The following MET variants were observed in gnomAD, a reference collection of about 807,000 sequenced individuals.
MET encodes the protein MET proto-oncogene, receptor tyrosine kinase.
In MET, 48 loss-of-function variants were observed where a neutral mutation model predicts 133.1. The ratio of observed to expected loss-of-function variants is 0.36; its 90% CI spans 0.29 to 0.46. The LOEUF (loss-of-function observed/expected upper bound fraction) is 0.46. Ranked by LOEUF, MET falls within the 20% of genes least tolerant of loss-of-function variation. The pLI is 1.00. For synonymous variants in MET, 628 were observed against 616.5 expected (o/e 1.02, Z -0.28); for missense variants, 1,442 against 1,695.9 (o/e 0.85, Z 2.63).
intron 2 of MET, among the ~76,000 whole-genome samples, chr7:116,725,523 C>T (rs982984020): frequency 1.3e-5 from 2 of 149,848 alleles, no homozygotes; most frequent in African/African-American, 4.9e-5. Context: ...TCCTGCATTG[C>T]TTGCATTCTG....
At chr7:116,690,572 A>G (rs1163198028) in intron 1 of MET, among the ~76,000 whole-genome samples, 1 of 152,234 alleles carries the variant, frequency 6.6e-6, no homozygotes, top group Non-Finnish European at 1.5e-5. Flanking sequence ...GGGATTTTTG[A>G]CATGGCCTAT....
chr7:116,690,265 T>C (rs961723831), intron 1 of MET, among the ~76,000 whole-genome samples: 1 of 152,154 alleles, frequency 6.6e-6, no homozygotes, highest in African/African-American at 2.4e-5. Context: ...CCAACTCTCA[T>C]GGCCAACCCA....
At position 116,771,822 on chromosome 7, in the gene MET, A is replaced by G. The variant is rs534285822; in HGVS notation, c.2888-27A>G. Reference sequence around the variant, plus strand: ...GGGGCCCATGATAGCCGTCTTTAACAAGCTCTTTCTTTCTCTCTGTTTTAA... The same window carrying G: ...GGGGCCCATGATAGCCGTCTTTAACGAGCTCTTTCTTTCTCTCTGTTTTAA... On this transcript the variant is annotated intron_variant, in intron 13 of 20. Coordinates refer to ENST00000397752, the MANE Select transcript of MET (RefSeq NM_000245.4). 7.3e-5 allele frequency: 118 copies of G among 1,613,670 alleles called. 2 individuals are homozygous for G. In the South Asian group the frequency reaches 1.3e-3, roughly 17 times the overall value.
chr7:116,704,476 T>C (rs1165113385), intron 2 of MET, among the ~76,000 whole-genome samples: 1 of 152,146 alleles, frequency 6.6e-6, no homozygotes, highest in East Asian at 1.9e-4. Context: ...GCTATTATTG[T>C]AAGGAATACT....
intron 2 of MET, among the ~76,000 whole-genome samples, chr7:116,707,802 T>C (rs1791855882): frequency 6.6e-6 from 1 of 152,124 alleles, no homozygotes; most frequent in African/African-American, 2.4e-5. Context: ...AAAACTAATA[T>C]CTCTAAAAAA....
At chr7:116,760,903 A>G (rs1185378046) in intron 10 of MET, among the ~76,000 whole-genome samples, 2 of 152,184 alleles carry the variant, frequency 1.3e-5, no homozygotes, top group African/African-American at 2.4e-5. Flanking sequence ...ACTGCTATTA[A>G]TTTAAAGGAC....
At chr7:116,758,154 G>C (rs1021027951) in intron 8 of MET, among the ~76,000 whole-genome samples, 5 of 152,144 alleles carry the variant, frequency 3.3e-5, no homozygotes, top group African/African-American at 1.2e-4. Context: ...GGGGAAAATT[G>C]GGTCTGGAAG....
intron 10 of MET, among the ~76,000 whole-genome samples, chr7:116,760,324 G>A (rs1380501001): frequency 3.3e-5 from 5 of 152,044 alleles, no homozygotes; most frequent in South Asian, 4.2e-4. Flanking sequence ...CAAAGAAAGA[G>A]CATTAGAATA....
At chr7:116,783,860 T>C (rs1795226034) in intron 19 of MET, among the ~76,000 whole-genome samples, 1 of 152,220 alleles carries the variant, frequency 6.6e-6, no homozygotes, top group Non-Finnish European at 1.5e-5. Context: ...ATCTGGAAGC[T>C]GTAACTGAGG....
chr7:116,726,961 A>G (rs1283575333), intron 2 of MET, among the ~76,000 whole-genome samples: 1 of 152,134 alleles, frequency 6.6e-6, no homozygotes, highest in Non-Finnish European at 1.5e-5. Flanking sequence ...GCTGAGCAGG[A>G]CTGAGTGACT....
intron 2 of MET, chr7:116,724,328 C>T (rs1159582836): frequency 5.5e-6 from 1 of 182,240 alleles, no homozygotes; most frequent in Non-Finnish European, 1.2e-5. Flanking sequence ...TGCTTCGGCT[C>T]GCGCACGGTG....
chr7:116,790,148 C>A (rs531420489), intron 19 of MET, among the ~76,000 whole-genome samples: 1 of 152,314 alleles, frequency 6.6e-6, no homozygotes, highest in Non-Finnish European at 1.5e-5. Context: ...CTTTTTATGG[C>A]TGCATACAAC....
intron 4 of MET, 172 bp downstream of exon 4, chr7:116,740,256 C>CTAG (rs1478756815): frequency 2.4e-5 from 19 of 795,022 alleles, no homozygotes; most frequent in Non-Finnish European, 8.4e-6. Context: ...TTAATTTGTT[C>CTAG]TCCAAGAAAG....
rs557364175 is a variant in MET, at chr7:116,724,342, G to A, written c.1201-7326G>A. ...CTGCTTCGGCTCGCGCACGGTGCAC[G>A]CACCCACTGACCTGCGCCCACTGTC... On this transcript the variant is annotated intron_variant, in intron 2 of 20. Coordinates refer to ENST00000397752, the MANE Select transcript of MET (RefSeq NM_000245.4). 186 of 263,084 alleles carry A rather than the reference G, an allele frequency of 7.1e-4. 3 individuals carry two copies. The South Asian group carries it at 7.9e-3, about 11-fold the overall frequency. The allele number at this position is 263,084 out of a possible 1,614,324, so 16.3% of individuals were successfully genotyped here. A position where few individuals can be genotyped will look rare whatever the true frequency, so the allele number is the denominator to read the frequency against.
At chr7:116,706,824 C>G (rs1164505924) in intron 2 of MET, among the ~76,000 whole-genome samples, 1 of 151,294 alleles carries the variant, frequency 6.6e-6, no homozygotes, top group African/African-American at 2.4e-5. Context: ...GTAAAGTGCT[C>G]GTTATCAGGA....
In MET at chr7:116,739,995, C is replaced by A. The variant is rs2116826454; in HGVS notation, c.1438C>A (p.Leu480Ile). The A allele has an allele frequency of 6.2e-7, 1 of 1,614,154 alleles. No homozygotes were observed. Among genetic ancestry groups the A allele is most frequent in the South Asian group, 1.1e-5 (1 of 91,078 alleles). ...ACCATCAACCCCTCATGTGAATTTT[C>A]TCCTGGACTCCCATCCAGTGTCTCC... ...SGPSTPHVNF[L>I]LDSHPVSPEV... Residue 480 changes from leucine (L) to isoleucine (I), a missense_variant, in exon 4 of 21, where the codon CTC (leucine) becomes ATC (isoleucine). This residue lies in a region of MET where 762 missense variants were observed against 792.4 expected (regional missense o/e 0.96). Coordinates refer to ENST00000397752, the MANE Select transcript of MET (RefSeq NM_000245.4).
At chr7:116,749,584 A>G (rs1232623795) in intron 5 of MET, among the ~76,000 whole-genome samples, 4 of 152,202 alleles carry the variant, frequency 2.6e-5, no homozygotes, top group African/African-American at 9.6e-5. Flanking sequence ...CTCCTATTCA[A>G]CATAACATTG....
chr7:116,741,896 G>T (rs1386941951), intron 5 of MET, among the ~76,000 whole-genome samples: 9 of 152,172 alleles, frequency 5.9e-5, no homozygotes, highest in Admixed American at 5.9e-4. Flanking sequence ...ATGGACATTG[G>T]CTCTAACATC....
chr7:116,767,805 G>A (rs900192245), intron 11 of MET, among the ~76,000 whole-genome samples: 1 of 150,316 alleles, frequency 6.7e-6, no homozygotes, highest in African/African-American at 2.4e-5. Context: ...AAGTTTTTTA[G>A]CATCTCAATA....
Sources: gnomAD v4.1 joint callset for allele counts (sites outside exome capture counted in the v4.1 genomes callset) on GRCh38, gnomAD v4.1.1 for gene constraint, gnomAD v4.1.1 regional missense constraint, MANE v1.5 for transcripts, NCBI Gene and HGNC (gene_info 2026-07-23, HGNC 2026-07-21) for gene names.